The following PDE8B variants were observed in gnomAD, a reference collection of about 807,000 sequenced individuals.
PDE8B encodes high affinity cAMP-specific and IBMX-insensitive 3',5'-cyclic phosphodiesterase 8B.
PDE8B carries 26 observed loss-of-function variants against 101.3 expected under a neutral mutation model. That is an observed-to-expected ratio of 0.26 (90% confidence interval 0.19 to 0.36). The LOEUF (loss-of-function observed/expected upper bound fraction) is 0.36, where lower values mean the gene tolerates loss of function less well. Ranked by LOEUF, PDE8B falls within the 10% of genes least tolerant of loss-of-function variation. The pLI is 1.00. For synonymous variants in PDE8B, 424 were observed against 429.3 expected, an observed-to-expected ratio of 0.99 and a Z score of 0.15; for missense variants, 810 against 1,163.1, an observed-to-expected ratio of 0.70 and a Z score of 4.42.
intron 1 of PDE8B, among the ~76,000 whole-genome samples, chr5:77,217,653 A>G (rs1200501461): frequency 6.6e-6 from 1 of 151,842 alleles, no homozygotes; most frequent in Non-Finnish European, 1.5e-5. Context: ...CTCCTGCCTC[A>G]GCCTCCCGAG....
upstream of PDE8B, among the ~76,000 whole-genome samples, chr5:77,210,260 G>C (rs1370269636): frequency 6.6e-6 from 1 of 152,030 alleles, no homozygotes; most frequent in Non-Finnish European, 1.5e-5. The surrounding 1 kb of genome is among the most constrained non-coding windows in gnomAD (Gnocchi z 4.9). Flanking sequence ...GGACAGCGGA[G>C]GAGGAGGGGA....
chr5:77,426,346 T>C (rs1798135121), intron 21 of PDE8B, 99 bp from the exon 22 acceptor site: 2 of 778,644 alleles, frequency 2.6e-6, no homozygotes, highest in Non-Finnish European at 4.5e-6. Context: ...GTGCCTCCTC[T>C]AATTCTGATC....
At chr5:77,261,078 A>G (rs1303275591) in intron 1 of PDE8B, among the ~76,000 whole-genome samples, 1 of 152,216 alleles carries the variant, frequency 6.6e-6, no homozygotes, top group African/African-American at 2.4e-5. Flanking sequence ...AGCTGGTTGC[A>G]TTCTGTTGCT....
chr5:77,347,690 C>T (rs367794004), intron 7 of PDE8B, among the ~76,000 whole-genome samples: 8 of 152,156 alleles, frequency 5.3e-5, no homozygotes, highest in African/African-American at 1.9e-4. Context: ...AAAGTCTGCA[C>T]AGGCATCAGT....
the PDE8B span, among the ~76,000 whole-genome samples, chr5:77,101,845 T>C: frequency 6.6e-6 from 1 of 152,126 alleles, no homozygotes; most frequent in East Asian, 1.9e-4. Context: ...AGCAGAATGG[T>C]AGCTGCCAGA....
chr5:77,209,854 T>C (rs889440529), upstream of PDE8B, among the ~76,000 whole-genome samples: 1 of 152,174 alleles, frequency 6.6e-6, no homozygotes, highest in Non-Finnish European at 1.5e-5. Flanking sequence ...CCTTGGATCT[T>C]AGGGGAACGT....
chr5:77,345,979 C>T (rs1050411421), intron 7 of PDE8B, among the ~76,000 whole-genome samples: 3 of 152,218 alleles, frequency 2.0e-5, no homozygotes, highest in African/African-American at 7.2e-5. Flanking sequence ...TCAGCACTTT[C>T]ATTAGGTTGT....
chr5:77,235,877 C>T (rs1159655415), intron 1 of PDE8B, among the ~76,000 whole-genome samples: 1 of 151,376 alleles, frequency 6.6e-6, no homozygotes, highest in Non-Finnish European at 1.5e-5. Flanking sequence ...GGGGAGATCA[C>T]CAAGAAAAAA....
the PDE8B span, among the ~76,000 whole-genome samples, chr5:77,153,796 A>G: frequency 6.6e-6 from 1 of 151,864 alleles, no homozygotes; most frequent in African/African-American, 2.4e-5. Context: ...GCTGGTCTTG[A>G]ACTCCTGACC....
At chr5:77,204,103 A>G in the PDE8B span, among the ~76,000 whole-genome samples, 539 of 148,182 alleles carry the variant, frequency 3.6e-3, 4 homozygotes, top group South Asian at 0.021. Flanking sequence ...AAAACCTCAA[A>G]GTGCTATGTG....
chr5:77,366,643 GT>G (rs1784203152), intron 10 of PDE8B, among the ~76,000 whole-genome samples: 1 of 152,168 alleles, frequency 6.6e-6, no homozygotes, highest in Admixed American at 6.5e-5. Context: ...TCGTGGGTGT[GT>G]GGGGGTCTGC....
intron 1 of PDE8B, among the ~76,000 whole-genome samples, chr5:77,237,932 C>T (rs1303730514): frequency 6.6e-6 from 1 of 152,164 alleles, no homozygotes; most frequent in East Asian, 1.9e-4. Flanking sequence ...CCTTCTGTCT[C>T]CCATGGTTTC....
At chr5:77,336,628 G>T (rs1778252694) in intron 5 of PDE8B, among the ~76,000 whole-genome samples, 1 of 152,068 alleles carries the variant, frequency 6.6e-6, no homozygotes, top group African/African-American at 2.4e-5. Context: ...CTGTTCAAAT[G>T]TTGGACATTT....
intron 1 of PDE8B, among the ~76,000 whole-genome samples, chr5:77,264,829 A>C (rs1761353762): frequency 6.6e-6 from 1 of 152,218 alleles, no homozygotes; most frequent in Non-Finnish European, 1.5e-5. Context: ...AGCTTTGTTC[A>C]ATAGGTAAAA....
chr5:77,139,823 T>C, the PDE8B span: 1 of 152,374 alleles, frequency 6.6e-6, no homozygotes, highest in Non-Finnish European at 1.5e-5. Context: ...CACATGTTTT[T>C]CTGTTTTTTA....
At chr5:77,273,978 A>C (rs1380113401) in intron 1 of PDE8B, among the ~76,000 whole-genome samples, 1 of 151,938 alleles carries the variant, frequency 6.6e-6, no homozygotes, top group Non-Finnish European at 1.5e-5. Context: ...ATGCGCCACT[A>C]TGCCCGGCTA....
intron 1 of PDE8B, among the ~76,000 whole-genome samples, chr5:77,260,582 A>ATTTT (rs34008487): frequency 0.051 from 5,849 of 114,638 alleles, 228 homozygotes; most frequent in African/African-American, 0.092. Flanking sequence ...ACTGTGGCTC[A>ATTTT]TTTTTTTTTT....
intron 1 of PDE8B, among the ~76,000 whole-genome samples, chr5:77,262,266 A>G (rs1363111684): frequency 2.0e-5 from 3 of 152,118 alleles, no homozygotes; most frequent in East Asian, 1.9e-4. Flanking sequence ...CTCACAGAGA[A>G]AAAGGAAGAG....
chr5:77,385,432 AT>A (rs201364254), intron 10 of PDE8B, among the ~76,000 whole-genome samples: 117 of 144,004 alleles, frequency 8.1e-4, no homozygotes, highest in African/African-American at 1.4e-3. Flanking sequence ...GGATTCATTG[AT>A]TTTTTTTTTT....
Sources: allele counts gnomAD v4.1 joint callset (sites outside exome capture counted in the v4.1 genomes callset), GRCh38; gene constraint gnomAD v4.1.1; non-coding constraint Gnocchi (gnomAD v3.1); transcripts MANE v1.5; gene names NCBI Gene and HGNC (gene_info 2026-07-23, HGNC 2026-07-21).